The following DZIP1L variants were observed in gnomAD, a reference collection of about 807,000 sequenced individuals.
DZIP1L encodes the protein DAZ interacting zinc finger protein 1 like.
DZIP1L carries 90 observed loss-of-function variants against 88.7 expected under a neutral mutation model. That is an observed-to-expected ratio of 1.02 (90% CI 0.86 to 1.21). The LOEUF is 1.21. DZIP1L is among the 50% of genes most tolerant of loss of function. DZIP1L has a pLI of 0.00. For missense variants in DZIP1L, 932 were observed against 955.8 expected, an observed-to-expected ratio of 0.98 and a Z score of 0.33; for synonymous variants, 363 against 372.1, an observed-to-expected ratio of 0.98 and a Z score of 0.28.
intron 11 of DZIP1L, among the ~76,000 whole-genome samples, chr3:138,075,645 C>G (rs2107755897): frequency 6.6e-6 from 1 of 152,312 alleles, no homozygotes; most frequent in East Asian, 1.9e-4. Flanking sequence ...CTCTGGGATA[C>G]AGCAAGAGCA....
At chr3:138,089,382 T>C in intron 5 of DZIP1L, 1 of 565,016 alleles carries the variant, frequency 1.8e-6, no homozygotes, top group South Asian at 7.9e-5. Flanking sequence ...GCTGACTTTC[T>C]TGGCATTACA....
At chr3:138,100,719 G>A (rs2042275155) in intron 2 of DZIP1L, among the ~76,000 whole-genome samples, 1 of 152,198 alleles carries the variant, frequency 6.6e-6, no homozygotes, top group Non-Finnish European at 1.5e-5. Flanking sequence ...GTTATAAGCA[G>A]AAATAGGTAA....
At chr3:138,088,043 A>C (rs1944028552) in intron 6 of DZIP1L, among the ~76,000 whole-genome samples, 1 of 152,224 alleles carries the variant, frequency 6.6e-6, no homozygotes, top group Non-Finnish European at 1.5e-5. Context: ...CCATCACAAC[A>C]ATGGATGCAT....
At chr3:138,097,659 T>C in intron 3 of DZIP1L, 104 bp downstream of exon 3, 1 of 1,049,090 alleles carries the variant, frequency 9.5e-7, no homozygotes, top group Non-Finnish European at 1.4e-6. Context: ...ACAGTGAGGT[T>C]CTGAGAGCAG....
intron 4 of DZIP1L, among the ~76,000 whole-genome samples, 185 bp downstream of exon 4, chr3:138,094,677 C>T (rs945442364): frequency 7.9e-5 from 12 of 152,246 alleles, no homozygotes; most frequent in African/African-American, 2.9e-4. Flanking sequence ...CTGGCAAAAA[C>T]AATTCAATTT....
At chr3:138,101,178 C>T (rs1181066809) in intron 2 of DZIP1L, among the ~76,000 whole-genome samples, 1 of 151,768 alleles carries the variant, frequency 6.6e-6, no homozygotes, top group East Asian at 1.9e-4. Flanking sequence ...AACACACACT[C>T]TTACACACAT....
rs967335727 is a variant in DZIP1L at position 138,110,227 on chromosome 3, C to T, written c.-82+5101G>A. On this transcript the variant is annotated intron_variant, in intron 1 of 15. Transcript: ENST00000327532. ...CAGAAAATCAAACACGGCCTGTTCT[C>T]ACTCATAGGTGGGAATTGAACAATG... Among the ~76,000 whole-genome samples, 55 of 152,190 alleles carry T rather than the reference C, an allele frequency of 3.6e-4. 1 individual carries two copies. The highest frequency in any genetic ancestry group is 1.2e-3 in the African/African-American group (51 of 41,502).
intron 1 of DZIP1L, among the ~76,000 whole-genome samples, chr3:138,106,722 C>T (rs1245241374): frequency 6.6e-6 from 1 of 152,034 alleles, no homozygotes; most frequent in Non-Finnish European, 1.5e-5. Context: ...GTCCCAGCTA[C>T]TCGGGAGGCT....
In DZIP1L at chr3:138,067,650, C is replaced by G; in HGVS notation, c.1883G>C (p.Arg628Pro). ...EEDSEGDRVQ[R>P]VSLQPPKVPS... ...AACTTTTGGGGGCTGTAGAGACACA[C>G]GCTGCACACGGTCTCCCTCTGAGTC... The change falls in exon 14 of 16, where the codon CGT becomes CCT. Residue 628 changes from arginine to proline, a missense_variant. By Grantham distance (103) the Arg-to-Pro change is moderately radical. Coordinates refer to ENST00000327532, the MANE Select transcript of DZIP1L (RefSeq NM_173543.3). 1 of 1,608,956 alleles carries G rather than the reference C, an allele frequency of 6.2e-7. No homozygotes were observed. The highest frequency in any genetic ancestry group is 2.3e-5 in the East Asian group (1 of 44,302).
chr3:138,102,537 C>T, intron 2 of DZIP1L: 3 of 1,389,436 alleles, frequency 2.2e-6, no homozygotes, highest in Non-Finnish European at 3.1e-6. Context: ...TCTTCTGCTG[C>T]TGCAGGAGGC....
At position 138,103,477 on chromosome 3, in the gene DZIP1L, G is replaced by A. The variant is rs141278951; in HGVS notation, c.495C>T (p.Tyr165=). 18 of 1,599,024 alleles carry A rather than the reference G, an allele frequency of 1.1e-5. No homozygotes were observed. The African/African-American group carries it at 2.4e-4, about 21-fold the overall frequency. ...CCTGGTGGAGATTCCTCACCGTGTG[G>A]TAGCTGTGGGTGCCTGTCTGCATTA... ...QLLMQTGTHS[Y]HTCHLCDKTF... is the part of the protein sequence containing the mutation. The change falls in exon 2 of 16, where the codon TAC becomes TAT. Residue 165 remains tyrosine (Y), a synonymous_variant. Coordinates refer to ENST00000327532, the MANE Select transcript of DZIP1L (RefSeq NM_173543.3).
At position 138,102,096 on chromosome 3, in the gene DZIP1L, C is replaced by T. The variant is rs1009648967; in HGVS notation, c.501+1375G>A. 24 of 1,469,078 alleles carry T rather than the reference C, an allele frequency of 1.6e-5. No individual in the cohort carries two copies. The African/African-American group carries it at 3.3e-4, about 20-fold the overall frequency. The allele number at this position is 1,469,078 out of a possible 1,614,324, so 91.0% of individuals were successfully genotyped here. A position where few individuals can be genotyped will look rare whatever the true frequency, so the allele number is the denominator to read the frequency against. ...GTACATGCTCTCAGCCTCAGCCCAG[C>T]TGCAGTTGGCGATCTCCTTGTACTG... On this transcript the variant is annotated intron_variant, in intron 2 of 15. Coordinates refer to ENST00000327532, the MANE Select transcript of DZIP1L (RefSeq NM_173543.3).
intron 9 of DZIP1L, among the ~76,000 whole-genome samples, chr3:138,081,521 G>GACAGGAA (rs1459391951): frequency 6.6e-6 from 1 of 152,214 alleles, no homozygotes; most frequent in Non-Finnish European, 1.5e-5. Flanking sequence ...ACAGACAGGA[G>GACAGGAA]CAAGCCAGGC....
chr3:138,090,220 C>T (rs1174659806), intron 5 of DZIP1L, among the ~76,000 whole-genome samples: 2 of 151,538 alleles, frequency 1.3e-5, no homozygotes, highest in African/African-American at 2.4e-5. Context: ...AGAACATGAT[C>T]CAAGTTAAAA....
intron 7 of DZIP1L, among the ~76,000 whole-genome samples, 176 bp from the exon 8 acceptor site, chr3:138,084,429 C>G (rs1943828623): frequency 6.6e-6 from 1 of 152,088 alleles, no homozygotes; most frequent in Non-Finnish European, 1.5e-5. Context: ...TTGTGCTGTG[C>G]CTGAGAAGAA....
rs199805204 is a variant in DZIP1L, at chr3:138,088,454, C to T, written c.924G>A (p.Leu308=). The change falls in exon 6 of 16, where the codon CTG becomes CTA. Residue 308 remains leucine, a synonymous_variant. Transcript: ENST00000327532. ...HSVMESKLGS[L]RDEESEEWLR... ...GCCACTCCTCTGACTCCTCATCTCG[C>T]AGTGATCCCAGCTTGGACTCCATCA... The T allele has an allele frequency of 6.2e-7, 1 of 1,614,104 alleles. No individual in the cohort carries two copies. Among genetic ancestry groups the T allele is most frequent in the East Asian group, 2.2e-5 (1 of 44,876 alleles).
At chr3:138,073,142 C>T (rs989114413) in intron 11 of DZIP1L, among the ~76,000 whole-genome samples, 17 of 152,088 alleles carry the variant, frequency 1.1e-4, no homozygotes, top group African/African-American at 2.7e-4. Flanking sequence ...CCCTGCCCAC[C>T]GCCTGAGAAA....
In DZIP1L at chr3:138,071,755, C is replaced by G. The variant is rs761584698; in HGVS notation, c.1503G>C (p.Lys501Asn). The change falls in exon 12 of 16, where the codon AAG becomes AAC. Residue 501 changes from lysine (K) to asparagine (N), a missense_variant. Coordinates refer to ENST00000327532, the MANE Select transcript of DZIP1L (RefSeq NM_173543.3). ...LRVQREQKARKFSEFLSLRGK... is the reference protein window; with the variant it reads ...LRVQREQKARNFSEFLSLRGK... ...CCCTCAGACTCAGAAATTCAGAAAA[C>G]TTCCGGGCCTTCTGCTCCCGCTGGA... The G allele has an allele frequency of 4.3e-6, 7 of 1,614,100 alleles. No individual in the cohort carries two copies. The highest frequency in any genetic ancestry group is 1.6e-4 in the Middle Eastern group (1 of 6,084).
chr3:138,106,127 C>CTTTTTTT (rs56146259), intron 1 of DZIP1L, among the ~76,000 whole-genome samples: 351 of 64,534 alleles, frequency 5.4e-3, no homozygotes, highest in Middle Eastern at 0.018. Flanking sequence ...AGTCTTCTTT[C>CTTTTTTT]TTTTTTTTTT....
Sources: gnomAD v4.1 joint callset for allele counts (sites outside exome capture counted in the v4.1 genomes callset) on GRCh38, gnomAD v4.1.1 for gene constraint, MANE v1.5 for transcripts, NCBI Gene and HGNC (gene_info 2026-07-23, HGNC 2026-07-21) for gene names.